The following TCERG1 variants were observed in gnomAD, a reference collection of about 807,000 sequenced individuals.
TCERG1 encodes transcription elongation regulator 1.
TCERG1 carries 37 observed loss-of-function variants against 144.7 expected under a neutral mutation model. That is an observed-to-expected ratio of 0.26 (90% confidence interval 0.20 to 0.34). TCERG1 has a LOEUF of 0.34. Among genes scored for constraint, TCERG1 ranks in the 10% least tolerant of loss-of-function variants. The pLI, the probability that TCERG1 is intolerant of heterozygous loss-of-function variation, is 1.00. For synonymous variants in TCERG1, 492 were observed against 458.2 expected (o/e 1.07, Z -0.94); for missense variants, 1,027 against 1,380.7 (o/e 0.74, Z 4.06).
At chr5:146,491,087 T>C (rs1398977781) in intron 15 of TCERG1, among the ~76,000 whole-genome samples, 1 of 152,004 alleles carries the variant, frequency 6.6e-6, no homozygotes, top group East Asian at 1.9e-4. Context: ...TGTTGGAGAG[T>C]TTCCTTAGAT....
rs563634702 is a variant in TCERG1 at position 146,494,908 on chromosome 5, C to A, written c.2282+1870C>A. Among the ~76,000 whole-genome samples the A allele has an allele frequency of 2.6e-5, 4 of 152,236 alleles. No individual in the cohort carries two copies. In the South Asian group the frequency reaches 8.3e-4, roughly 32 times the overall value. ...CCACCAGCCATTACCTACTTCCTTC[C>A]AAAATATTTTTTATCCTGTTTGTTT... On this transcript the variant is annotated intron_variant, in intron 16 of 22. Coordinates refer to ENST00000679501, the MANE Select transcript of TCERG1 (RefSeq NM_001382548.1).
intron 10 of TCERG1, 78 bp downstream of exon 10, chr5:146,478,731 A>G: frequency 7.2e-7 from 1 of 1,384,168 alleles, no homozygotes; most frequent in Non-Finnish European, 9.6e-7. Context: ...GAAGGCATTT[A>G]GAAACCCTTT....
intron 19 of TCERG1, among the ~76,000 whole-genome samples, chr5:146,506,064 C>T (rs1205363436): frequency 6.6e-6 from 1 of 152,204 alleles, no homozygotes; most frequent in Non-Finnish European, 1.5e-5. Context: ...AGCCACCGCA[C>T]CCGGCCTTTT....
At chr5:146,509,369 AC>A (rs1474037723) in intron 22 of TCERG1, 124 bp downstream of exon 22, 1 of 635,554 alleles carries the variant, frequency 1.6e-6, no homozygotes, top group East Asian at 3.2e-5. Context: ...ATAAGAAGAT[AC>A]CAACTTCTGT....
chr5:146,472,581 C>T (rs1328329714), intron 9 of TCERG1, among the ~76,000 whole-genome samples: 4 of 152,136 alleles, frequency 2.6e-5, no homozygotes, highest in Non-Finnish European at 4.4e-5. Flanking sequence ...CCCCATCTCT[C>T]TTCCTCTCCT....
chr5:146,452,224 G>A (rs1225956228), intron 1 of TCERG1, among the ~76,000 whole-genome samples: 2 of 152,150 alleles, frequency 1.3e-5, no homozygotes, highest in East Asian at 1.9e-4. Context: ...GCCTGGTAAC[G>A]AGAGACTATA....
chr5:146,457,709 C>T (rs1262376991), intron 3 of TCERG1, among the ~76,000 whole-genome samples: 5 of 152,178 alleles, frequency 3.3e-5, no homozygotes, highest in Non-Finnish European at 7.4e-5. Context: ...TCTTGGACTC[C>T]AGATAAGGGT....
At chr5:146,475,295 G>T (rs1176775531) in intron 9 of TCERG1, among the ~76,000 whole-genome samples, 1 of 152,158 alleles carries the variant, frequency 6.6e-6, no homozygotes, top group Non-Finnish European at 1.5e-5. Context: ...ATCAGATTCG[G>T]ATTTAATCTT....
Position 146,463,944 on chromosome 5 carries a change from CTT to C in TCERG1, c.1135+152_1135+153del, listed in dbSNP as rs1763556139. On this transcript the variant is annotated intron_variant, in intron 5 of 22. Transcript: ENST00000679501. ...TTCATGGCTAACTGCAATATTTTCT[CTT>C]AAGTTTTGGTAAATGTCCTTTTTTT... 1.8e-5 allele frequency: 21 copies of C among 1,163,428 alleles called. No homozygotes were observed. The South Asian group carries it at 2.2e-4, about 12-fold the overall frequency. The allele number at this position is 1,163,428 out of a possible 1,614,324, so 72.1% of individuals were successfully genotyped here.
At chr5:146,480,281 TAGA>T (rs766579095) in intron 12 of TCERG1, 187 bp downstream of exon 12, 58 of 426,988 alleles carry the variant, frequency 1.4e-4, no homozygotes, top group Admixed American at 5.0e-4. Context: ...GCTAGATTTG[TAGA>T]AGATTTGGGT....
At chr5:146,509,123 A>G in intron 21 of TCERG1, 22 bp from the exon 22 acceptor site, 1 of 1,326,696 alleles carries the variant, frequency 7.5e-7, no homozygotes, top group Non-Finnish European at 1.1e-6. Context: ...CATAATCTCA[A>G]CTTTTTTTTT....
intron 13 of TCERG1, chr5:146,481,846 C>G (rs1053160268): frequency 3.3e-5 from 5 of 152,100 alleles, no homozygotes; most frequent in African/African-American, 1.2e-4. Context: ...GAGTACCACA[C>G]AGAAACAGGG....
rs1581499743 is a variant in TCERG1 at position 146,483,764 on chromosome 5, T to C, written c.2163+135T>C. The C allele has an allele frequency of 7.7e-6, 5 of 650,976 alleles. No homozygotes were observed. In the East Asian group the frequency reaches 1.2e-4, roughly 15 times the overall value. 40.3% of individuals were successfully genotyped at this position (650,976 alleles called of 1,614,324 possible). ...ATATAGTCTTGCATCTTAGAACATATTATGTGTCTGTGTGTGGACATTTCT... is the reference window on the plus strand; with the variant it reads ...ATATAGTCTTGCATCTTAGAACATACTATGTGTCTGTGTGTGGACATTTCT... On this transcript the variant is annotated intron_variant, in intron 15 of 22. Transcript: ENST00000679501.
At chr5:146,478,709 A>C in intron 10 of TCERG1, 56 bp downstream of exon 10, 1 of 1,475,282 alleles carries the variant, frequency 6.8e-7, no homozygotes. Flanking sequence ...TCATATTTTG[A>C]TAGAAAATGT....
In TCERG1 at chr5:146,511,787, A is replaced by G. The variant is rs1230635650; in HGVS notation, c.*1145A>G. 6.6e-6 allele frequency: 1 copy of G among 152,134 alleles called. No homozygotes were observed. Among genetic ancestry groups the G allele is most frequent in the Non-Finnish European group, 1.5e-5 (1 of 68,016 alleles). 9.4% of individuals were successfully genotyped at this position (152,134 alleles called of 1,614,324 possible). On this transcript the variant is annotated 3_prime_UTR_variant, in exon 23 of 23. Transcript: ENST00000679501. Reference sequence around the variant, plus strand: ...TTGTTTTTGTCCTTTGTATTAATGTATGATGGTTTGCGCCTTTTTGGCATT... The same window carrying G: ...TTGTTTTTGTCCTTTGTATTAATGTGTGATGGTTTGCGCCTTTTTGGCATT...
At chr5:146,495,585 A>T (rs1382777238) in intron 16 of TCERG1, among the ~76,000 whole-genome samples, 1 of 152,236 alleles carries the variant, frequency 6.6e-6, no homozygotes, top group African/African-American at 2.4e-5. Flanking sequence ...TTGGTTGCAT[A>T]CAAAAGATTA....
intron 16 of TCERG1, among the ~76,000 whole-genome samples, chr5:146,495,362 G>A (rs1042730353): frequency 2.6e-5 from 4 of 152,146 alleles, no homozygotes; most frequent in African/African-American, 9.7e-5. Flanking sequence ...TGCCCAACCT[G>A]TAGTTGCTTT....
intron 1 of TCERG1, among the ~76,000 whole-genome samples, chr5:146,449,268 T>G (rs1258422391): frequency 6.6e-6 from 1 of 152,224 alleles, no homozygotes; most frequent in Non-Finnish European, 1.5e-5. Flanking sequence ...TAAAGATACT[T>G]CACTTATTGG....
At chr5:146,509,640 A>G (rs532242533) in intron 22 of TCERG1, among the ~76,000 whole-genome samples, 1 of 152,268 alleles carries the variant, frequency 6.6e-6, no homozygotes, top group East Asian at 1.9e-4. Context: ...AGATCATTCT[A>G]AAGCATGAAA....
Sources: allele counts gnomAD v4.1 joint callset (sites outside exome capture counted in the v4.1 genomes callset), GRCh38; gene constraint gnomAD v4.1.1; transcripts MANE v1.5; gene names NCBI Gene and HGNC (gene_info 2026-07-23, HGNC 2026-07-21).